HEG1: variants seen among roughly 807,000 people sequenced by gnomAD.
The protein encoded by HEG1 is heart development protein with EGF like domains 1, also known as protein HEG homolog 1.
Under a neutral mutation model 125.6 loss-of-function variants are expected in HEG1, and 56 were observed. The ratio of observed to expected loss-of-function variants is 0.45; its 90% CI spans 0.36 to 0.56. The LOEUF (loss-of-function observed/expected upper bound fraction) is 0.56, where lower values mean the gene tolerates loss of function less well. Ranked by LOEUF, HEG1 falls within the 20% of genes least tolerant of loss-of-function variation. HEG1 has a pLI of 0.00. For missense variants in HEG1, 1,523 were observed against 1,670.0 expected, an observed-to-expected ratio of 0.91 and a Z score of 1.53; for synonymous variants, 644 against 668.5, an observed-to-expected ratio of 0.96 and a Z score of 0.57.
chr3:124,997,720 A>G lies in HEG1; in HGVS notation c.3621T>C (p.Phe1207=). ...AGGAGTGGTCCATCTTGTTGAACTG[A>G]AAGTATCCCGACTTGCACTGGCACA... ...VALCQCKSGY[F]QFNKMDHSCR... Residue 1207 remains phenylalanine, a synonymous_variant, in exon 12 of 17, where the codon TTT becomes TTC. Coordinates refer to ENST00000311127, the MANE Select transcript of HEG1 (RefSeq NM_020733.2). 1 of 1,592,796 alleles carries G rather than the reference A, an allele frequency of 6.3e-7. No homozygotes were observed. The highest frequency in any genetic ancestry group is 1.7e-4 in the Middle Eastern group (1 of 6,006).
At chr3:124,982,783 A>G (rs536203945) in intron 14 of HEG1, among the ~76,000 whole-genome samples, 2 of 152,286 alleles carry the variant, frequency 1.3e-5, no homozygotes, top group South Asian at 2.1e-4. Flanking sequence ...ACACTCGGAC[A>G]TGTAACACCA....
intron 14 of HEG1, among the ~76,000 whole-genome samples, chr3:124,978,233 C>T (rs976087559): frequency 4.7e-4 from 72 of 152,158 alleles, no homozygotes; most frequent in African/African-American, 1.6e-3. Context: ...CTGCAACCTC[C>T]GCCTCCTGGG....
intron 14 of HEG1, among the ~76,000 whole-genome samples, chr3:124,981,919 T>G (rs972027096): frequency 1.3e-5 from 2 of 152,188 alleles, no homozygotes; most frequent in African/African-American, 4.8e-5. Context: ...CATATTTTTT[T>G]TTTTTCTTTT....
intron 15 of HEG1, 59 bp from the exon 16 acceptor site, chr3:124,973,964 G>T: frequency 8.7e-7 from 1 of 1,145,666 alleles, no homozygotes; most frequent in Non-Finnish European, 1.3e-6. Flanking sequence ...TACTGTGAAA[G>T]CACCAACTAT....
At chr3:125,053,434 C>T (rs1341051074) in intron 1 of HEG1, among the ~76,000 whole-genome samples, 1 of 152,202 alleles carries the variant, frequency 6.6e-6, no homozygotes, top group Non-Finnish European at 1.5e-5. Flanking sequence ...TGCCTAGATC[C>T]TTGGCCATAT....
At position 124,967,607 on chromosome 3, in the gene HEG1, T is replaced by C. The variant is rs1276209255; in HGVS notation, c.*3045A>G. 1 of 152,128 alleles carries C rather than the reference T, an allele frequency of 6.6e-6. No individual in the cohort carries two copies. The highest frequency in any genetic ancestry group is 1.5e-5 in the Non-Finnish European group (1 of 68,032). 9.4% of individuals were successfully genotyped at this position (152,128 alleles called of 1,614,324 possible). A position where few individuals can be genotyped will look rare whatever the true frequency, so the allele number is the denominator to read the frequency against. On this transcript the variant is annotated 3_prime_UTR_variant, in exon 17 of 17. Coordinates refer to ENST00000311127, the MANE Select transcript of HEG1 (RefSeq NM_020733.2). ...AAGGTATACAGGATGGTGAGGGGTG[T>C]GCCAGGACAGTAAGGCAGGGGGCTA...
At position 124,990,961 on chromosome 3, in the gene HEG1, T is replaced by C. The variant is rs1231420325; in HGVS notation, c.3678A>G (p.Glu1226=). 5 of 1,558,952 alleles carry C rather than the reference T, an allele frequency of 3.2e-6. No homozygotes were observed. In the African/African-American group the frequency reaches 4.1e-5, roughly 13 times the overall value. Reference sequence around the variant, plus strand: ...GAGCCTACCTCATGCAGGTTTCATTTTCAAGCCTATATCCATCTTCACATG... The same window carrying C: ...GAGCCTACCTCATGCAGGTTTCATTCTCAAGCCTATATCCATCTTCACATG... The part of the protein sequence containing the change: ...CRACEDGYRL[E]NETCMSCPFG... Residue 1226 remains glutamate (E), a synonymous_variant, in exon 13 of 17, where the codon GAA becomes GAG. Transcript: ENST00000311127.
chr3:124,998,241 G>A (rs1462561794), intron 11 of HEG1, among the ~76,000 whole-genome samples: 2 of 152,192 alleles, frequency 1.3e-5, no homozygotes, highest in Non-Finnish European at 2.9e-5. Context: ...CCGAGACTTG[G>A]ACTAAGAACA....
chr3:125,001,680 T>C lies in HEG1; in HGVS notation c.3517+172A>G, dbSNP rs369636936. 6.6e-4 allele frequency among the ~76,000 whole-genome samples: 101 copies of C among 152,330 alleles called. 1 individual carries two copies. The highest frequency in any genetic ancestry group is 2.2e-3 in the African/African-American group (92 of 41,566). ...GTGTGTGTGCATGTTTGTACATGCA[T>C]GCACACATAAAAGAAGATGCATGTG... is the stretch of plus-strand genomic sequence containing the variant. On this transcript the variant is annotated intron_variant, in intron 11 of 16. Transcript: ENST00000311127.
chr3:125,029,097 C>T, intron 2 of HEG1, 98 bp downstream of exon 2: 1 of 1,347,974 alleles, frequency 7.4e-7, no homozygotes, highest in Non-Finnish European at 1.0e-6. Flanking sequence ...CTTGGAAGGG[C>T]ACAATGGCTC....
intron 6 of HEG1, 69 bp downstream of exon 6, chr3:125,012,554 A>G: frequency 1.4e-6 from 2 of 1,426,542 alleles, no homozygotes; most frequent in Non-Finnish European, 1.9e-6. Flanking sequence ...ATGAACCCCG[A>G]GCCCCATGTA....
intron 13 of HEG1, 40 bp from the exon 14 acceptor site, chr3:124,990,864 C>T: frequency 6.4e-7 from 1 of 1,556,710 alleles, no homozygotes; most frequent in Non-Finnish European, 8.7e-7. Context: ...AATTAGTTTC[C>T]AATCTCAAAA....
chr3:125,048,905 G>A (rs1411228731), intron 1 of HEG1, among the ~76,000 whole-genome samples: 1 of 152,206 alleles, frequency 6.6e-6, no homozygotes, highest in Non-Finnish European at 1.5e-5. Flanking sequence ...GAGAGGAATG[G>A]AGGGTGACTT....
chr3:125,045,377 T>C lies in HEG1; in HGVS notation c.316+10198A>G, dbSNP rs142332010. Among the ~76,000 whole-genome samples the C allele has an allele frequency of 8.1e-4, 124 of 152,346 alleles. 1 individual carries two copies. The highest frequency in any genetic ancestry group is 2.5e-3 in the African/African-American group (106 of 41,588). On this transcript the variant is annotated intron_variant, in intron 1 of 16. Transcript: ENST00000311127. ...TTCCCCAGAGACAACTCTCTCCCTC[T>C]GGACTATTTTATCTTGTTACACAAT...
At chr3:124,995,477 G>A (rs964943365) in intron 12 of HEG1, among the ~76,000 whole-genome samples, 3 of 152,238 alleles carry the variant, frequency 2.0e-5, no homozygotes, top group African/African-American at 7.2e-5. Context: ...CGCACACGCT[G>A]CAGAGAACAT....
At chr3:124,972,274 G>C (rs1161433618) in intron 16 of HEG1, 1 of 152,224 alleles carries the variant, frequency 6.6e-6, no homozygotes, top group Non-Finnish European at 1.5e-5. Flanking sequence ...AGTAAAGGAT[G>C]AGAGTGTGGG....
At chr3:124,980,950 G>A (rs1056748730) in intron 14 of HEG1, among the ~76,000 whole-genome samples, 2 of 151,882 alleles carry the variant, frequency 1.3e-5, no homozygotes, top group Non-Finnish European at 2.9e-5. Context: ...CAACTCCTGG[G>A]CTCAAGCAAT....
chr3:124,986,628 A>T (rs1936744845), intron 14 of HEG1, among the ~76,000 whole-genome samples: 1 of 152,218 alleles, frequency 6.6e-6, no homozygotes, highest in African/African-American at 2.4e-5. Context: ...CCATCACAGA[A>T]TAACAAAAGT....
chr3:125,007,590 C>A (rs1937091085), intron 8 of HEG1, among the ~76,000 whole-genome samples: 1 of 152,214 alleles, frequency 6.6e-6, no homozygotes, highest in African/African-American at 2.4e-5. Flanking sequence ...CCCATCTGGA[C>A]AGCTCTTTAC....
Sources: gnomAD v4.1 joint callset for allele counts (sites outside exome capture counted in the v4.1 genomes callset) on GRCh38, gnomAD v4.1.1 for gene constraint, MANE v1.5 for transcripts, NCBI Gene and HGNC (gene_info 2026-07-23, HGNC 2026-07-21) for gene names.